The following VRK2 variants were observed in gnomAD, a reference collection of about 807,000 sequenced individuals.
VRK2 encodes the protein serine/threonine-protein kinase VRK2.
In VRK2, 60 loss-of-function variants were observed where a neutral mutation model predicts 57.6. That is an observed-to-expected ratio of 1.04 (90% confidence interval 0.85 to 1.29). VRK2 has a LOEUF of 1.29. Among genes scored for constraint, VRK2 ranks in the 50% most tolerant of loss-of-function variants. VRK2 has a pLI of 0.00. For missense variants in VRK2, 705 were observed against 588.1 expected, an observed-to-expected ratio of 1.20 and a Z score of -2.06; for synonymous variants, 231 against 199.2, an observed-to-expected ratio of 1.16 and a Z score of -1.35.
intron 1 of VRK2, among the ~76,000 whole-genome samples, chr2:57,957,001 T>C (rs537861029): frequency 6.6e-6 from 1 of 152,300 alleles, no homozygotes; most frequent in East Asian, 1.9e-4. Context: ...TACTGTTAAA[T>C]AGATTGAAAG....
intron 7 of VRK2, among the ~76,000 whole-genome samples, chr2:58,106,915 T>C (rs1191158927): frequency 6.6e-6 from 1 of 152,078 alleles, no homozygotes; most frequent in Non-Finnish European, 1.5e-5. Context: ...AGCACTAGTA[T>C]CATTTGTAGG....
chr2:57,975,143 T>G (rs1220096789), intron 1 of VRK2, among the ~76,000 whole-genome samples: 1 of 151,976 alleles, frequency 6.6e-6, no homozygotes, highest in Non-Finnish European at 1.5e-5. Context: ...AAAGTAAAAT[T>G]TGTGAAAACG....
intron 2 of VRK2, among the ~76,000 whole-genome samples, chr2:58,060,747 C>G (rs1193344945): frequency 6.6e-6 from 1 of 151,810 alleles, no homozygotes; most frequent in Non-Finnish European, 1.5e-5. Flanking sequence ...GCTAAAGATT[C>G]TTACATACTA....
At chr2:58,056,457 C>T (rs2103849638) in intron 2 of VRK2, among the ~76,000 whole-genome samples, 1 of 152,242 alleles carries the variant, frequency 6.6e-6, no homozygotes, top group Non-Finnish European at 1.5e-5. Context: ...TTGTCACTTG[C>T]TCTGATATTA....
chr2:57,971,279 A>T (rs1221028099), intron 1 of VRK2, among the ~76,000 whole-genome samples: 1 of 152,042 alleles, frequency 6.6e-6, no homozygotes, highest in Non-Finnish European at 1.5e-5. Context: ...AGTAAATGAC[A>T]GCACATGTAA....
Position 58,159,720 on chromosome 2 carries a change from A to AT in VRK2, c.*33dup. 1 of 1,611,934 alleles carries AT rather than the reference A, an allele frequency of 6.2e-7. No individual in the cohort carries two copies. The highest frequency in any genetic ancestry group is 2.2e-5 in the East Asian group (1 of 44,832). On this transcript the variant is annotated 3_prime_UTR_variant, in exon 13 of 13. Coordinates refer to ENST00000340157, the MANE Select transcript of VRK2 (RefSeq NM_006296.7). The stretch of plus-strand genomic sequence containing the variant: ...GATGATACCAAAATTCCTTTTGATA[A>AT]TTTTTTAAGTTTCCAGCTCTTCACC...
intron 1 of VRK2, chr2:58,047,559 G>C (rs768513248): frequency 4.7e-6 from 3 of 631,782 alleles, no homozygotes; most frequent in South Asian, 1.4e-4. Context: ...TAATTATTTA[G>C]AATTTATTCC....
At chr2:58,135,328 C>A in intron 10 of VRK2, 129 bp downstream of exon 10, 1 of 872,588 alleles carries the variant, frequency 1.1e-6, no homozygotes, top group Non-Finnish European at 1.8e-6. Context: ...GGGAACTCTT[C>A]ATGTTGCAAA....
intron 1 of VRK2, among the ~76,000 whole-genome samples, chr2:57,948,982 G>A (rs1671343070): frequency 6.6e-6 from 1 of 150,386 alleles, no homozygotes; most frequent in Non-Finnish European, 1.5e-5. Context: ...TTATATAGAA[G>A]GAATTCATTG....
chr2:58,001,611 G>A (rs907047459), intron 1 of VRK2, among the ~76,000 whole-genome samples: 4 of 151,964 alleles, frequency 2.6e-5, no homozygotes, highest in Admixed American at 1.3e-4. Flanking sequence ...CACTTGAGGT[G>A]AGGAGTTTGT....
intron 7 of VRK2, among the ~76,000 whole-genome samples, chr2:58,098,191 T>C (rs1466285661): frequency 1.3e-5 from 2 of 152,132 alleles, no homozygotes; most frequent in Non-Finnish European, 2.9e-5. Flanking sequence ...TGTATAGCTA[T>C]ACAATGTTTG....
intron 1 of VRK2, among the ~76,000 whole-genome samples, chr2:57,987,061 C>T (rs185345689): frequency 7.2e-4 from 110 of 152,004 alleles, no homozygotes; most frequent in African/African-American, 2.4e-3. Context: ...TAAATCCAAA[C>T]GGATGACAGA....
At chr2:57,995,298 T>C (rs1266569119) in intron 1 of VRK2, among the ~76,000 whole-genome samples, 3 of 152,182 alleles carry the variant, frequency 2.0e-5, no homozygotes, top group Admixed American at 1.3e-4. Context: ...CATTACAAAA[T>C]ACATTTTAAA....
chr2:58,048,718 T>C, intron 1 of VRK2, 109 bp from the exon 2 acceptor site: 9 of 1,500,028 alleles, frequency 6.0e-6, no homozygotes, highest in Non-Finnish European at 8.0e-6. Flanking sequence ...TCCTAATTTC[T>C]GGGAACCTGG....
At chr2:58,103,898 G>T (rs1411064593) in intron 7 of VRK2, among the ~76,000 whole-genome samples, 3 of 151,778 alleles carry the variant, frequency 2.0e-5, no homozygotes, top group Non-Finnish European at 4.4e-5. Flanking sequence ...AATACACCAT[G>T]ATCAAATAGG....
intron 10 of VRK2, among the ~76,000 whole-genome samples, chr2:58,137,169 A>T: frequency 1.5e-4 from 1 of 6,516 alleles, no homozygotes; most frequent in African/African-American, 2.7e-4. Flanking sequence ...TATATATCAT[A>T]TATCATATAT....
At chr2:58,036,905 G>A (rs906974257) in intron 3 of VRK2, among the ~76,000 whole-genome samples, 3 of 151,806 alleles carry the variant, frequency 2.0e-5, no homozygotes, top group African/African-American at 4.8e-5. Context: ...TCATGAAGCC[G>A]GTACCGAATT....
intron 2 of VRK2, among the ~76,000 whole-genome samples, chr2:58,058,087 C>T (rs1438134216): frequency 6.6e-6 from 1 of 152,072 alleles, no homozygotes; most frequent in Admixed American, 6.6e-5. Context: ...ATGCCTGCTA[C>T]CACTTGTTTG....
intron 12 of VRK2, chr2:58,154,719 C>G: frequency 1.4e-6 from 1 of 716,926 alleles, no homozygotes; most frequent in Non-Finnish European, 2.6e-6. Flanking sequence ...TTTCCTTCAT[C>G]TTGATCTTGG....
Sources: allele counts gnomAD v4.1 joint callset (sites outside exome capture counted in the v4.1 genomes callset), GRCh38; gene constraint gnomAD v4.1.1; transcripts MANE v1.5; gene names NCBI Gene and HGNC (gene_info 2026-07-23, HGNC 2026-07-21).